The following CPQ variants were observed in gnomAD, a reference collection of about 807,000 sequenced individuals.
CPQ encodes the protein Ser-Met dipeptidase.
Under a neutral mutation model 45.7 loss-of-function variants are expected in CPQ, and 37 were observed. That is an observed-to-expected ratio of 0.81 (90% CI 0.62 to 1.07). The LOEUF (loss-of-function observed/expected upper bound fraction) is 1.07. Among genes scored for constraint, CPQ ranks in the 50% least tolerant of loss-of-function variants. CPQ has a pLI of 0.00. For synonymous variants in CPQ, 186 were observed against 205.8 expected (o/e 0.90, Z 0.82); for missense variants, 537 against 572.9 (o/e 0.94, Z 0.64).
At chr8:96,989,120 C>T (rs1481864749) in intron 5 of CPQ, among the ~76,000 whole-genome samples, 5 of 152,140 alleles carry the variant, frequency 3.3e-5, no homozygotes, top group Admixed American at 3.3e-4. Flanking sequence ...TGATTCCTAT[C>T]ATTCTGAGAG....
intron 1 of CPQ, among the ~76,000 whole-genome samples, chr8:96,735,884 C>T (rs763365411): frequency 3.3e-5 from 5 of 152,080 alleles, no homozygotes; most frequent in Non-Finnish European, 7.4e-5. Flanking sequence ...TAGTATACTG[C>T]CTTCGTCCAT....
In CPQ at chr8:96,862,284, TTGTGTGTGTGTG is replaced by T. The variant is rs34611818; in HGVS notation, c.642-17488_642-17477del. 5.7e-5 allele frequency among the ~76,000 whole-genome samples: 8 copies of T among 141,192 alleles called. No individual in the cohort carries two copies. In the East Asian group the frequency reaches 6.3e-4, roughly 11 times the overall value. The allele number at this position is 141,192 out of a possible 152,430, so 92.6% of individuals were successfully genotyped here. A position where few individuals can be genotyped will look rare whatever the true frequency, so the allele number is the denominator to read the frequency against. On this transcript the variant is annotated intron_variant, in intron 3 of 7. Transcript: ENST00000220763. ...GGGACAATAATATTGATTTTTGCAT[TTGTGTGTGTGTG>T]TGTGTGTGTGTGTGTGTGTGTGTGT...
At chr8:97,004,416 AAG>A (rs1419311148) in intron 5 of CPQ, among the ~76,000 whole-genome samples, 1 of 152,122 alleles carries the variant, frequency 6.6e-6, no homozygotes, top group Non-Finnish European at 1.5e-5. Flanking sequence ...GAATATTGGT[AAG>A]AGAGCAATGA....
rs200721276 is a variant in CPQ at position 97,132,504 on chromosome 8, A to ATGT, written c.1256-10514_1256-10512dup. On this transcript the variant is annotated intron_variant, in intron 7 of 7. Transcript: ENST00000220763. Reference sequence around the variant, plus strand: ...GGTAGACAGGAAGAGGTGGGGAAAAATGTTTAAGTTCAAATGTCATCTCTG... The same window carrying ATGT: ...GGTAGACAGGAAGAGGTGGGGAAAAATGTTGTTTAAGTTCAAATGTCATCTCTG... 1.0e-3 allele frequency among the ~76,000 whole-genome samples: 156 copies of ATGT among 152,278 alleles called. 4 individuals are homozygous for ATGT. The East Asian group carries it at 0.026, about 26-fold the overall frequency.
At chr8:97,009,972 C>T (rs1370512484) in intron 5 of CPQ, among the ~76,000 whole-genome samples, 1 of 152,174 alleles carries the variant, frequency 6.6e-6, no homozygotes, top group Non-Finnish European at 1.5e-5. Context: ...CTGACTTTAT[C>T]TCATTCCTTG....
At chr8:96,884,636 G>A (rs1369325188) in intron 4 of CPQ, among the ~76,000 whole-genome samples, 3 of 152,114 alleles carry the variant, frequency 2.0e-5, no homozygotes, top group Non-Finnish European at 4.4e-5. Flanking sequence ...GAAGAAAGGG[G>A]AAAAGGAAAT....
intron 4 of CPQ, among the ~76,000 whole-genome samples, chr8:96,899,837 C>A (rs1331578591): frequency 1.3e-5 from 2 of 152,084 alleles, no homozygotes; most frequent in Non-Finnish European, 2.9e-5. Context: ...AATTCATATT[C>A]TAGCATTAGG....
chr8:97,022,270 CTA>C (rs1768919924), intron 5 of CPQ, among the ~76,000 whole-genome samples: 1 of 152,134 alleles, frequency 6.6e-6, no homozygotes, highest in Admixed American at 6.5e-5. Context: ...AGACCTGAAA[CTA>C]TAAAAATTCC....
At chr8:96,891,819 G>A (rs1357704244) in intron 4 of CPQ, among the ~76,000 whole-genome samples, 1 of 152,212 alleles carries the variant, frequency 6.6e-6, no homozygotes, top group African/African-American at 2.4e-5. Context: ...AAGTGCCACA[G>A]TATGGCAGCT....
chr8:97,099,570 C>T (rs769453260), intron 7 of CPQ, among the ~76,000 whole-genome samples: 9 of 150,424 alleles, frequency 6.0e-5, no homozygotes, highest in South Asian at 4.2e-4. Flanking sequence ...TTTCTGACTA[C>T]GTGGTTTCTC....
At chr8:96,970,647 T>G (rs1175816734) in intron 5 of CPQ, among the ~76,000 whole-genome samples, 1 of 151,036 alleles carries the variant, frequency 6.6e-6, no homozygotes, top group Non-Finnish European at 1.5e-5. Context: ...CACTGCAAGC[T>G]CCGCCTCCCG....
intron 3 of CPQ, among the ~76,000 whole-genome samples, chr8:96,852,571 TTCTC>T (rs776122317): frequency 6.6e-6 from 1 of 152,200 alleles, no homozygotes; most frequent in Non-Finnish European, 1.5e-5. Flanking sequence ...TCCTGCTTAT[TTCTC>T]TCTCTTTCTG....
chr8:97,142,136 C>T (rs1812178496), intron 7 of CPQ, among the ~76,000 whole-genome samples: 1 of 152,116 alleles, frequency 6.6e-6, no homozygotes, highest in South Asian at 2.1e-4. Context: ...TTATTATTTT[C>T]ACCCTTTATA....
At chr8:96,739,066 C>G (rs1169799113) in intron 1 of CPQ, among the ~76,000 whole-genome samples, 1 of 151,290 alleles carries the variant, frequency 6.6e-6, no homozygotes, top group Admixed American at 6.6e-5. Context: ...AACTAGTCTA[C>G]AGTCCCACCA....
At chr8:96,856,467 T>A (rs1486168347) in intron 3 of CPQ, among the ~76,000 whole-genome samples, 3 of 152,246 alleles carry the variant, frequency 2.0e-5, no homozygotes, top group Non-Finnish European at 2.9e-5. Context: ...TGAAATTATC[T>A]TGTTTATTTG....
intron 4 of CPQ, among the ~76,000 whole-genome samples, chr8:96,885,298 T>C (rs1812286463): frequency 6.6e-6 from 1 of 152,208 alleles, no homozygotes; most frequent in South Asian, 2.1e-4. Context: ...ATAATCATAT[T>C]AATCCATTCC....
At chr8:96,833,223 T>C (rs187515893) in intron 2 of CPQ, among the ~76,000 whole-genome samples, 1 of 152,288 alleles carries the variant, frequency 6.6e-6, no homozygotes, top group African/African-American at 2.4e-5. Flanking sequence ...TAGCTGCTAC[T>C]AGTGATTTGC....
intron 1 of CPQ, among the ~76,000 whole-genome samples, chr8:96,767,445 TCTC>T (rs1479122553): frequency 2.0e-5 from 3 of 151,146 alleles, no homozygotes; most frequent in Admixed American, 6.6e-5. Flanking sequence ...GGAAACCAGT[TCTC>T]CTCTCCTCTT....
Position 96,890,301 on chromosome 8 carries a change from A to G in CPQ, c.849+10296A>G, listed in dbSNP as rs369683758. Among the ~76,000 whole-genome samples the G allele has an allele frequency of 1.2e-3, 180 of 152,356 alleles. 1 individual carries two copies. The highest frequency in any genetic ancestry group is 4.2e-3 in the African/African-American group (175 of 41,592). On this transcript the variant is annotated intron_variant, in intron 4 of 7. Transcript: ENST00000220763. ...AGGAGGAAATATTCACAACAATTAC[A>G]GTCCTCTTTCTGTAGCTGGTCACGT...
Sources: gnomAD v4.1 joint callset for allele counts (sites outside exome capture counted in the v4.1 genomes callset) on GRCh38, gnomAD v4.1.1 for gene constraint, MANE v1.5 for transcripts, NCBI Gene and HGNC (gene_info 2026-07-23, HGNC 2026-07-21) for gene names.